ZMYM2: variants seen among roughly 807,000 people sequenced by gnomAD.
The protein encoded by ZMYM2 is zinc finger MYM-type protein 2.
ZMYM2 carries 56 observed loss-of-function variants against 162.8 expected under a neutral mutation model. The ratio of observed to expected loss-of-function variants is 0.34; its 90% CI spans 0.28 to 0.43. ZMYM2 has a LOEUF of 0.43. ZMYM2 is among the 20% of genes least tolerant of loss of function. The pLI, the probability that ZMYM2 is intolerant of heterozygous loss-of-function variation, is 1.00. For synonymous variants in ZMYM2, 510 were observed against 541.6 expected (o/e 0.94, Z 0.81); for missense variants, 1,275 against 1,621.8 (o/e 0.79, Z 3.67).
the ZMYM2 span, among the ~76,000 whole-genome samples, chr13:19,899,633 T>C: frequency 6.6e-6 from 1 of 150,964 alleles, no homozygotes; most frequent in Non-Finnish European, 1.5e-5. Flanking sequence ...CTGGCCAACA[T>C]GGGGAAACTC....
chr13:19,945,280 C>G, the ZMYM2 span, among the ~76,000 whole-genome samples: 1 of 152,114 alleles, frequency 6.6e-6, no homozygotes, highest in Admixed American at 6.5e-5. Context: ...GGGACAGAAT[C>G]TCACTCTGTC....
At chr13:19,982,935 A>G (rs1158408686) in intron 2 of ZMYM2, among the ~76,000 whole-genome samples, 1 of 150,472 alleles carries the variant, frequency 6.6e-6, no homozygotes, top group Non-Finnish European at 1.5e-5. Context: ...GTTTTTTTTA[A>G]AAAAACCCTT....
chr13:19,957,706 G>A (rs1001282433), upstream of ZMYM2, among the ~76,000 whole-genome samples: 3 of 152,236 alleles, frequency 2.0e-5, no homozygotes, highest in African/African-American at 4.8e-5. Flanking sequence ...CGGTAGAGAG[G>A]CCTGGGCAGG....
chr13:20,007,873 G>T (rs1461854915), intron 6 of ZMYM2, among the ~76,000 whole-genome samples: 1 of 151,790 alleles, frequency 6.6e-6, no homozygotes, highest in Non-Finnish European at 1.5e-5. Flanking sequence ...TCCGTGCCTC[G>T]GCCTCCCAAA....
chr13:20,032,969 A>G (rs181584617), intron 10 of ZMYM2, among the ~76,000 whole-genome samples: 1 of 152,130 alleles, frequency 6.6e-6, no homozygotes, highest in Non-Finnish European at 1.5e-5. Context: ...CAGTTTAATG[A>G]CTGGAACATT....
upstream of ZMYM2, among the ~76,000 whole-genome samples, chr13:19,954,126 A>ATTTTTTTTTTTTTT (rs781288600): frequency 3.2e-4 from 21 of 64,908 alleles, 8 homozygotes; most frequent in South Asian, 1.3e-3. Flanking sequence ...GCTATGTTTA[A>ATTTTTTTTTTTTTT]TTTTTTTTTT....
intron 2 of ZMYM2, among the ~76,000 whole-genome samples, chr13:19,989,308 T>A (rs925593631): frequency 6.6e-6 from 1 of 152,120 alleles, no homozygotes; most frequent in African/African-American, 2.4e-5. Context: ...TGTTTTTGTT[T>A]TTGTTTTCTT....
chr13:19,866,495 G>A, the ZMYM2 span, among the ~76,000 whole-genome samples: 57 of 151,824 alleles, frequency 3.8e-4, 2 homozygotes, highest in East Asian at 0.011. Context: ...GCGAAACCCC[G>A]TCCCTACTAA....
At chr13:19,949,155 A>G in the ZMYM2 span, among the ~76,000 whole-genome samples, 2 of 152,102 alleles carry the variant, frequency 1.3e-5, no homozygotes, top group Non-Finnish European at 2.9e-5. Context: ...CACGCCTCTA[A>G]TCCCAGCACT....
chr13:19,915,438 T>C, the ZMYM2 span, among the ~76,000 whole-genome samples: 4 of 151,754 alleles, frequency 2.6e-5, no homozygotes, highest in African/African-American at 7.3e-5. Flanking sequence ...TTTCTTTCTT[T>C]CTTCCTTTCT....
chr13:20,062,696 A>G, intron 17 of ZMYM2, 150 bp from the exon 18 acceptor site: 1 of 724,706 alleles, frequency 1.4e-6, no homozygotes, highest in South Asian at 2.8e-5. Context: ...TGAGATAGTT[A>G]TATATATAAT....
At chr13:20,009,297 G>A (rs1346295582) in intron 6 of ZMYM2, among the ~76,000 whole-genome samples, 2 of 152,146 alleles carry the variant, frequency 1.3e-5, no homozygotes, top group African/African-American at 4.8e-5. Context: ...AGGCTCTGAT[G>A]TTTTCATAGG....
the ZMYM2 span, among the ~76,000 whole-genome samples, chr13:19,902,575 C>T: frequency 6.6e-6 from 1 of 152,088 alleles, no homozygotes; most frequent in African/African-American, 2.4e-5. Context: ...GAGATCGTGC[C>T]ATTGCACTCC....
chr13:19,992,887 T>TA (rs145877094), intron 2 of ZMYM2, among the ~76,000 whole-genome samples, 176 bp from the exon 3 acceptor site: 4,186 of 152,220 alleles, frequency 0.027, 191 homozygotes, highest in African/African-American at 0.093. Context: ...AGTTAACATG[T>TA]AAACTATATG....
chr13:20,044,693 C>T (rs1336515939), intron 12 of ZMYM2, among the ~76,000 whole-genome samples: 1 of 152,164 alleles, frequency 6.6e-6, no homozygotes. Context: ...GCATTAATTC[C>T]TATGTTGATA....
chr13:19,934,811 C>T, the ZMYM2 span, among the ~76,000 whole-genome samples: 29 of 149,968 alleles, frequency 1.9e-4, no homozygotes, highest in African/African-American at 5.0e-4. Flanking sequence ...CTGTTGCCCA[C>T]GCTGGAGTCC....
At chr13:20,014,295 A>G (rs1308064352) in intron 6 of ZMYM2, among the ~76,000 whole-genome samples, 2 of 152,098 alleles carry the variant, frequency 1.3e-5, no homozygotes, top group Non-Finnish European at 2.9e-5. Flanking sequence ...AATGGTCTCG[A>G]TCTCCAGACC....
intron 2 of ZMYM2, among the ~76,000 whole-genome samples, chr13:19,962,515 A>ATATATTTT (rs1371972440): frequency 5.1e-5 from 2 of 38,928 alleles, no homozygotes; most frequent in African/African-American, 6.4e-5. Flanking sequence ...ATATATATAT[A>ATATATTTT]TTTTTTTTTT....
At chr13:20,059,341 A>AAT in intron 15 of ZMYM2, 106 bp from the exon 16 acceptor site, 1 of 1,242,150 alleles carries the variant, frequency 8.1e-7, no homozygotes, top group Non-Finnish European at 1.1e-6. Flanking sequence ...AAAAAAAAAA[A>AAT]GGTACTGAGG....
Sources: allele counts gnomAD v4.1 joint callset (sites outside exome capture counted in the v4.1 genomes callset), GRCh38; gene constraint gnomAD v4.1.1; transcripts MANE v1.5; gene names NCBI Gene and HGNC (gene_info 2026-07-23, HGNC 2026-07-21).